Variants in ANKRD30B observed in about 807,000 individuals in gnomAD.
ANKRD30B encodes the protein ankyrin repeat domain 30B.
In ANKRD30B, 144 loss-of-function variants were observed where a neutral mutation model predicts 202.2. That is an observed-to-expected ratio of 0.71 (90% CI 0.62 to 0.82). The LOEUF (loss-of-function observed/expected upper bound fraction) is 0.82, where lower values mean the gene tolerates loss of function less well. ANKRD30B is among the 40% of genes least tolerant of loss of function. The pLI is 0.00. For synonymous variants in ANKRD30B, 508 were observed against 561.3 expected (o/e 0.91, Z 1.34); for missense variants, 1,487 against 1,669.1 (o/e 0.89, Z 1.90).
Position 14,788,407 on chromosome 18 carries a change from A to G in ANKRD30B, c.1734+1307A>G, listed in dbSNP as rs1968230179. Among the ~76,000 whole-genome samples, 7 of 152,160 alleles carry G rather than the reference A, an allele frequency of 4.6e-5. No homozygotes were observed. The South Asian group carries it at 1.4e-3, about 32-fold the overall frequency. On this transcript the variant is annotated intron_variant, in intron 15 of 43. Transcript: ENST00000690538. Reference sequence around the variant, plus strand: ...TTTTCTTTTATTTTCTTTTATTATTATTATACTTTAAGTTTTAGGGTACAT... The same window carrying G: ...TTTTCTTTTATTTTCTTTTATTATTGTTATACTTTAAGTTTTAGGGTACAT...
chr18:14,797,121 G>A (rs1029422500), intron 18 of ANKRD30B, among the ~76,000 whole-genome samples: 4 of 152,124 alleles, frequency 2.6e-5, no homozygotes, highest in Non-Finnish European at 5.9e-5. Flanking sequence ...ATTCTCAGAA[G>A]GGAGTATGCC....
At chr18:14,789,246 A>C (rs1475486841) in intron 15 of ANKRD30B, among the ~76,000 whole-genome samples, 1 of 150,666 alleles carries the variant, frequency 6.6e-6, no homozygotes, top group Non-Finnish European at 1.5e-5. Context: ...GGGTTGTTTT[A>C]TTCTTGTAAA....
chr18:14,846,498 T>C (rs1971644316), intron 39 of ANKRD30B, among the ~76,000 whole-genome samples: 1 of 151,784 alleles, frequency 6.6e-6, no homozygotes. Flanking sequence ...GCCTCCTTAT[T>C]CTACCACTTG....
At chr18:14,796,909 C>T (rs1262236620) in intron 18 of ANKRD30B, among the ~76,000 whole-genome samples, 1 of 152,110 alleles carries the variant, frequency 6.6e-6, no homozygotes, top group East Asian at 1.9e-4. Context: ...CATCTGTATG[C>T]AGAAATACAG....
chr18:14,929,519 C>A, the ANKRD30B span, among the ~76,000 whole-genome samples: 1,928 of 152,208 alleles, frequency 0.013, 45 homozygotes, highest in African/African-American at 0.044. Context: ...ATAATAGTTT[C>A]TTCAGGCCTA....
rs761505137 is a variant in ANKRD30B, at chr18:14,850,266, G to T, written c.3448G>T (p.Glu1150Ter). 11 of 1,589,244 alleles carry T rather than the reference G, an allele frequency of 6.9e-6. No homozygotes were observed. Among genetic ancestry groups the T allele is most frequent in the Non-Finnish European group, 9.4e-6 (11 of 1,170,128 alleles). ...EKRRNVDILKEKIRPEEQLRK... is the reference protein window; with the variant it reads ...EKRRNVDILK ...GAGAAGAAATGTCGATATATTAAAAGAAAAAATTAGACCCGAAGAGCAACT... is the reference window on the plus strand; with the variant it reads ...GAGAAGAAATGTCGATATATTAAAATAAAAAATTAGACCCGAAGAGCAACT... Residue 1150 changes from glutamate (E) to a stop codon, truncating the protein, a stop_gained, in exon 41 of 44, where the codon GAA (glutamate) becomes TAA (stop). Transcript: ENST00000690538. LOFTEE classifies it high-confidence loss of function.
the ANKRD30B span, among the ~76,000 whole-genome samples, chr18:14,864,434 T>C: frequency 6.6e-6 from 1 of 152,246 alleles, no homozygotes; most frequent in East Asian, 1.9e-4. Context: ...AAAAAATCAG[T>C]AACAGGAGGA....
intron 16 of ANKRD30B, among the ~76,000 whole-genome samples, chr18:14,792,228 A>T (rs1303710759): frequency 1.3e-5 from 2 of 152,200 alleles, no homozygotes; most frequent in African/African-American, 2.4e-5. Context: ...TGGTGGTCCT[A>T]GGACCTTGCT....
At chr18:14,840,539 T>C in intron 36 of ANKRD30B, 49 bp from the exon 37 acceptor site, 1 of 1,051,730 alleles carries the variant, frequency 9.5e-7, no homozygotes, top group Non-Finnish European at 1.3e-6. Flanking sequence ...AAAAACAAAA[T>C]TAAAAAATAG....
chr18:14,908,545 C>G, the ANKRD30B span, among the ~76,000 whole-genome samples: 1 of 152,214 alleles, frequency 6.6e-6, no homozygotes, highest in Non-Finnish European at 1.5e-5. Context: ...ACTGTGCCTG[C>G]CAGCCCCCTC....
At chr18:14,860,342 C>A in the ANKRD30B span, among the ~76,000 whole-genome samples, 1 of 113,958 alleles carries the variant, frequency 8.8e-6, no homozygotes, top group African/African-American at 3.4e-5. Context: ...CCTCACTTCC[C>A]AGACAGGGCT....
At chr18:14,779,624 T>C (rs1967594426) in intron 10 of ANKRD30B, among the ~76,000 whole-genome samples, 1 of 152,170 alleles carries the variant, frequency 6.6e-6, no homozygotes, top group Non-Finnish European at 1.5e-5. Context: ...AATTGAGAGA[T>C]GATAAGTAAT....
intron 33 of ANKRD30B, among the ~76,000 whole-genome samples, 195 bp from the exon 34 acceptor site, chr18:14,831,188 A>AAAAAAAAAAAAAAAAAAAAAAACAAAC (rs1970914640): frequency 6.6e-6 from 1 of 150,722 alleles, no homozygotes; most frequent in African/African-American, 2.4e-5. Flanking sequence ...TCGGAAAAAA[A>AAAAAAAAAAAAAAAAAAAAAAACAAAC]AAAAAAAAAA....
intron 16 of ANKRD30B, among the ~76,000 whole-genome samples, chr18:14,793,991 G>A (rs1381438347): frequency 2.6e-5 from 4 of 152,014 alleles, no homozygotes; most frequent in African/African-American, 9.7e-5. Context: ...AATTATAGAT[G>A]TCAACAAGCC....
chr18:14,810,605 C>A (rs1408871088), intron 28 of ANKRD30B, among the ~76,000 whole-genome samples: 1 of 150,942 alleles, frequency 6.6e-6, no homozygotes, highest in Non-Finnish European at 1.5e-5. Flanking sequence ...AAATCAGTTT[C>A]TTGTTTTTCT....
At chr18:14,799,607 T>C (rs2143996333) in intron 22 of ANKRD30B, among the ~76,000 whole-genome samples, 1 of 152,256 alleles carries the variant, frequency 6.6e-6, no homozygotes, top group South Asian at 2.1e-4. Flanking sequence ...GTGAAATATT[T>C]TCAGTGTTTC....
chr18:14,799,936 T>TC (rs1969204727), intron 22 of ANKRD30B, among the ~76,000 whole-genome samples: 1 of 152,060 alleles, frequency 6.6e-6, no homozygotes, highest in African/African-American at 2.4e-5. Context: ...CATGTTTAAA[T>TC]CATGTTACAA....
chr18:14,759,007 G>A (rs978677965), intron 5 of ANKRD30B, among the ~76,000 whole-genome samples: 10 of 152,078 alleles, frequency 6.6e-5, no homozygotes, highest in Non-Finnish European at 1.5e-4. Context: ...CCCTTTTCCT[G>A]AAAGTAAAAA....
rs535819772 is a variant in ANKRD30B at position 14,809,932 on chromosome 18, G to A, written c.2387-54G>A. Reference sequence around the variant, plus strand: ...CATATTCACACTCTATGAACATTTGGTAGGCTTTGTCAGGCTTGCATATAA... The same window carrying A: ...CATATTCACACTCTATGAACATTTGATAGGCTTTGTCAGGCTTGCATATAA... On this transcript the variant is annotated intron_variant, in intron 26 of 43. Coordinates refer to ENST00000690538, the MANE Select transcript of ANKRD30B (RefSeq NM_001367607.2). 1.5e-4 allele frequency: 204 copies of A among 1,343,048 alleles called. 2 individuals are homozygous for A. Among genetic ancestry groups the A allele is most frequent in the Non-Finnish European group, 1.8e-4 (172 of 947,552 alleles). The allele number at this position is 1,343,048 out of a possible 1,614,324, so 83.2% of individuals were successfully genotyped here.
Sources: gnomAD v4.1 joint callset for allele counts (sites outside exome capture counted in the v4.1 genomes callset) on GRCh38, gnomAD v4.1.1 for gene constraint, MANE v1.5 for transcripts, NCBI Gene and HGNC (gene_info 2026-07-23, HGNC 2026-07-21) for gene names.